Variants in CACNA2D3 observed in about 807,000 individuals in gnomAD.
CACNA2D3 encodes calcium voltage-gated channel auxiliary subunit alpha2delta 3.
CACNA2D3 carries 60 observed loss-of-function variants against 160.6 expected under a neutral mutation model. The observed-to-expected ratio is 0.37, with a 90% CI of 0.30 to 0.46. The LOEUF is 0.46. Ranked by LOEUF, CACNA2D3 falls within the 20% of genes least tolerant of loss-of-function variation. The pLI, the probability that CACNA2D3 is intolerant of heterozygous loss-of-function variation, is 1.00. For synonymous variants in CACNA2D3, 558 were observed against 492.9 expected, an observed-to-expected ratio of 1.13 and a Z score of -1.75; for missense variants, 1,205 against 1,365.0, an observed-to-expected ratio of 0.88 and a Z score of 1.85.
intron 4 of CACNA2D3, among the ~76,000 whole-genome samples, chr3:54,448,137 A>C (rs1323379008): frequency 6.6e-6 from 1 of 152,152 alleles, no homozygotes; most frequent in Non-Finnish European, 1.5e-5. Flanking sequence ...ATTCTCAAGC[A>C]AGCTGAGGTG....
At chr3:54,354,306 G>T (rs905945382) in intron 3 of CACNA2D3, among the ~76,000 whole-genome samples, 2 of 152,136 alleles carry the variant, frequency 1.3e-5, no homozygotes, top group South Asian at 4.1e-4. Context: ...GGACAGCCCA[G>T]GGCCTTTTTG....
chr3:54,635,244 G>T (rs1420281672), intron 10 of CACNA2D3, among the ~76,000 whole-genome samples: 1 of 151,908 alleles, frequency 6.6e-6, no homozygotes. Flanking sequence ...AGGTATAAAA[G>T]GTCTAAGAAT....
Position 54,970,613 on chromosome 3 carries a change from C to G in CACNA2D3, c.2556+769C>G, listed in dbSNP as rs190268582. ...CCTCTCCTCTCCCCTCCCCTCTCCT[C>G]TGCTCTCCTCTCCTCTCCTCTTTTT... On this transcript the variant is annotated intron_variant, in intron 29 of 37. Transcript: ENST00000474759. 3.3e-3 allele frequency among the ~76,000 whole-genome samples: 411 copies of G among 125,768 alleles called. 2 individuals are homozygous for G. The highest frequency in any genetic ancestry group is 7.6e-3 in the Middle Eastern group (2 of 262). The allele number at this position is 125,768 out of a possible 152,430, so 82.5% of individuals were successfully genotyped here.
rs552315126 is a variant in CACNA2D3, at chr3:54,638,475, T to C, written c.1054-3653T>C. 13 of 151,772 alleles carry C rather than the reference T, an allele frequency of 8.6e-5. No homozygotes were observed. The South Asian group carries it at 2.5e-3, about 29-fold the overall frequency. 9.4% of individuals were successfully genotyped at this position (151,772 alleles called of 1,614,324 possible). A position where few individuals can be genotyped will look rare whatever the true frequency, so the allele number is the denominator to read the frequency against. On this transcript the variant is annotated intron_variant, in intron 10 of 37. Transcript: ENST00000474759. ...AGGAGGGGAGGTGATAAAAAGATTA[T>C]AGGGTGGAGGAGCAGAGGCTGAGGA...
intron 11 of CACNA2D3, among the ~76,000 whole-genome samples, chr3:54,653,614 A>G (rs1699817197): frequency 6.6e-6 from 1 of 152,218 alleles, no homozygotes; most frequent in Non-Finnish European, 1.5e-5. Context: ...CTCTGGTTTA[A>G]TTACTTCTGC....
intron 27 of CACNA2D3, among the ~76,000 whole-genome samples, chr3:54,922,096 T>A (rs1475310358): frequency 6.6e-6 from 1 of 152,178 alleles, no homozygotes; most frequent in East Asian, 1.9e-4. Flanking sequence ...CTGTGATCTG[T>A]ACTCATGCAG....
intron 4 of CACNA2D3, among the ~76,000 whole-genome samples, chr3:54,388,567 A>G (rs1699228199): frequency 6.6e-6 from 1 of 152,230 alleles, no homozygotes; most frequent in Admixed American, 6.5e-5. Context: ...ACATTGGAAG[A>G]GGAGTCGGCA....
Position 55,010,274 on chromosome 3 carries a change from C to G in CACNA2D3, c.2875+831C>G, listed in dbSNP as rs1703180206. On this transcript the variant is annotated intron_variant, in intron 34 of 37. Coordinates refer to ENST00000474759, the MANE Select transcript of CACNA2D3 (RefSeq NM_018398.3). ...AGGAGGGTGAGGATGAAAAAACTAC[C>G]TATCGGGTACTACGTTCACTACCAG... Among the ~76,000 whole-genome samples the G allele has an allele frequency of 2.0e-5, 3 of 152,072 alleles. No homozygotes were observed. The South Asian group carries it at 6.2e-4, about 32-fold the overall frequency.
rs574233409 is a variant in CACNA2D3 at position 54,259,858 on chromosome 3, C to T, written c.205-60584C>T. On this transcript the variant is annotated intron_variant, in intron 2 of 37. Coordinates refer to ENST00000474759, the MANE Select transcript of CACNA2D3 (RefSeq NM_018398.3). The stretch of plus-strand genomic sequence containing the variant: ...AATTTGCAGCTGCTGAAGCAAAGCC[C>T]TGCATTCTAGCTGTTGGCTTTTGCA... Among the ~76,000 whole-genome samples the T allele has an allele frequency of 2.0e-5, 3 of 152,336 alleles. 1 individual carries two copies. The South Asian group carries it at 6.2e-4, about 32-fold the overall frequency.
chr3:54,943,730 G>C (rs1363251030), intron 27 of CACNA2D3, among the ~76,000 whole-genome samples: 1 of 151,784 alleles, frequency 6.6e-6, no homozygotes, highest in Non-Finnish European at 1.5e-5. Flanking sequence ...ATTTCATCTT[G>C]CTTTGGTGAG....
At chr3:54,233,459 C>T (rs907752219) in intron 2 of CACNA2D3, among the ~76,000 whole-genome samples, 1 of 152,196 alleles carries the variant, frequency 6.6e-6, no homozygotes, top group African/African-American at 2.4e-5. Flanking sequence ...AGGCATAGAG[C>T]CTCCAGGCAC....
chr3:54,736,048 C>CAT (rs1312006818), intron 11 of CACNA2D3, among the ~76,000 whole-genome samples: 4 of 35,030 alleles, frequency 1.1e-4, no homozygotes, highest in Non-Finnish European at 2.5e-4. Context: ...TATATATACA[C>CAT]ATACATATGT....
At chr3:55,070,656 A>G (rs144725057) in intron 35 of CACNA2D3, among the ~76,000 whole-genome samples, 2 of 152,160 alleles carry the variant, frequency 1.3e-5, no homozygotes, top group Non-Finnish European at 2.9e-5. Flanking sequence ...TTATCTTCTT[A>G]TTTTTCCAGC....
intron 2 of CACNA2D3, among the ~76,000 whole-genome samples, chr3:54,247,469 T>TA (rs989337430): frequency 1.1e-4 from 16 of 151,862 alleles, no homozygotes; most frequent in African/African-American, 3.1e-4. Context: ...GCATTGGAAA[T>TA]AAAAAATATT....
At chr3:54,188,348 G>C (rs1482136116) in intron 2 of CACNA2D3, among the ~76,000 whole-genome samples, 2 of 152,246 alleles carry the variant, frequency 1.3e-5, no homozygotes, top group Non-Finnish European at 2.9e-5. Context: ...TAATGATTCA[G>C]CACCAAGGAC....
chr3:54,172,048 ATCTG>A (rs1483767950), intron 2 of CACNA2D3, among the ~76,000 whole-genome samples: 1 of 152,182 alleles, frequency 6.6e-6, no homozygotes, highest in Non-Finnish European at 1.5e-5. Flanking sequence ...CTGACCATGG[ATCTG>A]TCGAGCATTT....
intron 4 of CACNA2D3, among the ~76,000 whole-genome samples, chr3:54,477,205 G>C (rs1575478788): frequency 6.6e-6 from 1 of 152,042 alleles, no homozygotes; most frequent in African/African-American, 2.4e-5. Context: ...TGGGTATCTG[G>C]CATAGAGTAC....
At chr3:55,072,688 A>AGAAAGAGTCAGTAGTGTTTTGT (rs1218534371) in intron 35 of CACNA2D3, among the ~76,000 whole-genome samples, 2 of 152,236 alleles carry the variant, frequency 1.3e-5, no homozygotes, top group Non-Finnish European at 2.9e-5. Context: ...GTTCCTCCAA[A>AGAAAGAGTCAGTAGTGTTTTGT]GAAAGAGTCA....
At chr3:54,562,630 A>C (rs1379548733) in intron 5 of CACNA2D3, among the ~76,000 whole-genome samples, 170 bp from the exon 6 acceptor site, 6 of 152,232 alleles carry the variant, frequency 3.9e-5, no homozygotes, top group African/African-American at 1.4e-4. Context: ...GGGAATCCCC[A>C]GCATCTGGAC....
Sources: allele counts gnomAD v4.1 joint callset (sites outside exome capture counted in the v4.1 genomes callset), GRCh38; gene constraint gnomAD v4.1.1; transcripts MANE v1.5; gene names NCBI Gene and HGNC (gene_info 2026-07-23, HGNC 2026-07-21).